Variants in ZFAND3 observed in about 807,000 individuals in gnomAD.
ZFAND3 encodes AN1-type zinc finger protein 3.
Under a neutral mutation model 29.6 loss-of-function variants are expected in ZFAND3, and 10 were observed. The ratio of observed to expected loss-of-function variants is 0.34; its 90% CI spans 0.21 to 0.57. The LOEUF (loss-of-function observed/expected upper bound fraction) is 0.57. ZFAND3 is among the 20% of genes least tolerant of loss of function. The pLI is 0.86. For synonymous variants in ZFAND3, 128 were observed against 112.6 expected, an observed-to-expected ratio of 1.14 and a Z score of -0.87; for missense variants, 230 against 304.5, an observed-to-expected ratio of 0.76 and a Z score of 1.82.
rs11356169 is a variant in ZFAND3, at chr6:37,958,453, CAAA to C, written c.112+28473_112+28475del. On this transcript the variant is annotated intron_variant, in intron 2 of 5. Transcript: ENST00000287218. ...TTAGTGACAGAACAAGACTCGGTCT[CAAA>C]AAAAAAAAAAAAAAAAAATTCTCAT... Among the ~76,000 whole-genome samples the C allele has an allele frequency of 1.7e-3, 195 of 114,722 alleles. 1 individual carries two copies. Among genetic ancestry groups the C allele is most frequent in the South Asian group, 6.7e-3 (23 of 3,422 alleles). The allele number at this position is 114,722 out of a possible 152,430, so 75.3% of individuals were successfully genotyped here.
intron 2 of ZFAND3, among the ~76,000 whole-genome samples, chr6:37,937,042 A>C (rs1371757971): frequency 6.6e-6 from 1 of 152,172 alleles, no homozygotes; most frequent in African/African-American, 2.4e-5. Context: ...ATGAACTTGC[A>C]ACTTAGTGGT....
At chr6:37,822,490 C>T (rs1176116682) in intron 1 of ZFAND3, among the ~76,000 whole-genome samples, 1 of 152,190 alleles carries the variant, frequency 6.6e-6, no homozygotes, top group East Asian at 1.9e-4. Flanking sequence ...GTATGGGCCA[C>T]ATTCATATTT....
chr6:37,896,582 C>CTT (rs1765220961), intron 1 of ZFAND3, among the ~76,000 whole-genome samples: 1 of 92,814 alleles, frequency 1.1e-5, no homozygotes, highest in Non-Finnish European at 2.2e-5. Flanking sequence ...CTCTTTCTCT[C>CTT]TCTTTCTCTT....
intron 1 of ZFAND3, among the ~76,000 whole-genome samples, chr6:37,914,699 C>G (rs550759384): frequency 3.5e-5 from 3 of 85,948 alleles, no homozygotes; most frequent in South Asian, 6.9e-4. Flanking sequence ...GACGGGGTTT[C>G]GCTGTGTTAG....
chr6:37,998,161 A>G (rs1043255539), intron 2 of ZFAND3, among the ~76,000 whole-genome samples: 3 of 152,238 alleles, frequency 2.0e-5, no homozygotes, highest in African/African-American at 4.8e-5. Context: ...AAAGACATGG[A>G]TGAATCTTAA....
intron 1 of ZFAND3, among the ~76,000 whole-genome samples, chr6:37,864,249 C>A (rs1241293372): frequency 6.6e-6 from 1 of 152,038 alleles, no homozygotes; most frequent in African/African-American, 2.4e-5. Context: ...CAGGTTTTTG[C>A]CAGGTTATGA....
At chr6:37,854,774 C>G (rs756560763) in intron 1 of ZFAND3, among the ~76,000 whole-genome samples, 6 of 139,238 alleles carry the variant, frequency 4.3e-5, no homozygotes, top group African/African-American at 1.6e-4. Context: ...GCCCCCCCCC[C>G]CCTTTTTTTT....
At chr6:38,015,672 T>C (rs561244802) in intron 2 of ZFAND3, among the ~76,000 whole-genome samples, 47 of 152,348 alleles carry the variant, frequency 3.1e-4, no homozygotes, top group Admixed American at 1.1e-3. Flanking sequence ...ATGATGTGTA[T>C]GTATGACACC....
chr6:37,822,757 A>G (rs2127363446), intron 1 of ZFAND3, among the ~76,000 whole-genome samples: 1 of 152,318 alleles, frequency 6.6e-6, no homozygotes, highest in Admixed American at 6.5e-5. Flanking sequence ...ATGGAAACAA[A>G]TATTCCTTTC....
chr6:37,829,675 C>A (rs1763824185), intron 1 of ZFAND3, among the ~76,000 whole-genome samples: 1 of 152,138 alleles, frequency 6.6e-6, no homozygotes, highest in African/African-American at 2.4e-5. Flanking sequence ...GGCCTGAGTT[C>A]CCTGTTTCTG....
chr6:37,865,231 C>T (rs1369226482), intron 1 of ZFAND3, among the ~76,000 whole-genome samples: 2 of 152,118 alleles, frequency 1.3e-5, no homozygotes, highest in African/African-American at 2.4e-5. Context: ...CGTACATCAT[C>T]CTGTACGCTT....
intron 2 of ZFAND3, among the ~76,000 whole-genome samples, chr6:37,949,670 A>C (rs1761963599): frequency 6.6e-6 from 1 of 152,176 alleles, no homozygotes; most frequent in Non-Finnish European, 1.5e-5. Flanking sequence ...CAGAACTCAG[A>C]GAAACACGTT....
At chr6:37,910,885 T>C (rs1323273299) in intron 1 of ZFAND3, among the ~76,000 whole-genome samples, 2 of 152,218 alleles carry the variant, frequency 1.3e-5, no homozygotes, top group Non-Finnish European at 2.9e-5. Context: ...TTTCCTTCTC[T>C]TTTAAGGCTT....
chr6:38,126,285 A>G (rs1765632867), intron 5 of ZFAND3, among the ~76,000 whole-genome samples: 1 of 152,180 alleles, frequency 6.6e-6, no homozygotes, highest in South Asian at 2.1e-4. Context: ...GATATACCAC[A>G]TGTGTTTATC....
At chr6:38,050,334 T>A (rs961932188) in intron 2 of ZFAND3, among the ~76,000 whole-genome samples, 1 of 152,054 alleles carries the variant, frequency 6.6e-6, no homozygotes, top group South Asian at 2.1e-4. Context: ...GGCCTGGAAC[T>A]CCTGGGCTCA....
intron 2 of ZFAND3, among the ~76,000 whole-genome samples, chr6:37,995,391 A>G (rs1278907646): frequency 6.6e-6 from 1 of 152,172 alleles, no homozygotes; most frequent in East Asian, 1.9e-4. Context: ...TAATATGTCT[A>G]AAGAGCCCGG....
At chr6:37,944,047 G>A (rs941699068) in intron 2 of ZFAND3, among the ~76,000 whole-genome samples, 1 of 152,164 alleles carries the variant, frequency 6.6e-6, no homozygotes, top group African/African-American at 2.4e-5. Context: ...TAATTCAGGT[G>A]CTGTTAGTCT....
chr6:38,153,995 A>G lies in ZFAND3; in HGVS notation c.*1606A>G. The G allele has an allele frequency of 9.1e-6, 9 of 985,506 alleles. No homozygotes were observed. The highest frequency in any genetic ancestry group is 1.1e-5 in the Non-Finnish European group (9 of 829,944). 61.0% of individuals were successfully genotyped at this position (985,506 alleles called of 1,614,324 possible). A position where few individuals can be genotyped will look rare whatever the true frequency, so the allele number is the denominator to read the frequency against. ...ATGTTTTTTGATCCGACGTACTGAA[A>G]TAGGAAGTCATGCTCTTCCCACCCT... On this transcript the variant is annotated 3_prime_UTR_variant, in exon 6 of 6. Transcript: ENST00000287218.
chr6:38,036,658 TAAAG>T (rs1026677066), intron 2 of ZFAND3, among the ~76,000 whole-genome samples: 5 of 152,296 alleles, frequency 3.3e-5, no homozygotes, highest in African/African-American at 1.2e-4. Context: ...AGATTATCAA[TAAAG>T]AGATTATACA....
Sources: allele counts gnomAD v4.1 joint callset (sites outside exome capture counted in the v4.1 genomes callset), GRCh38; gene constraint gnomAD v4.1.1; transcripts MANE v1.5; gene names NCBI Gene and HGNC (gene_info 2026-07-23, HGNC 2026-07-21).